Variants in PRH1 observed in about 807,000 individuals in gnomAD.
PRH1 encodes proline rich protein HaeIII subfamily 1, also known as salivary acidic proline-rich phosphoprotein 1/2.
In PRH1, 7 loss-of-function variants were observed where a neutral mutation model predicts 7.9. The observed-to-expected ratio is 0.89, with a 90% CI of 0.50 to 1.67. The LOEUF (loss-of-function observed/expected upper bound fraction) is 1.67. PRH1 is among the 40% of genes most tolerant of loss of function. The probability of loss-of-function intolerance (pLI) is 0.00; values close to 1 mark genes in which losing one functional copy is unlikely to be tolerated. For synonymous variants in PRH1, 45 were observed against 80.8 expected, an observed-to-expected ratio of 0.56 and a Z score of 2.38; for missense variants, 109 against 223.6, an observed-to-expected ratio of 0.49 and a Z score of 3.27.
At chr12:11,064,638 G>A (rs2599415) in intron 1 of PRH1, among the ~76,000 whole-genome samples, 113,440 of 152,014 alleles carry the variant, frequency 0.75, 44,779 homozygotes, top group East Asian at 0.96. Context: ...CCATTTGCAT[G>A]TATCTTATCA....
At chr12:11,072,829 G>T (rs76654905) in intron 1 of PRH1, among the ~76,000 whole-genome samples, 1 of 125,796 alleles carries the variant, frequency 7.9e-6, no homozygotes, top group Non-Finnish European at 1.8e-5. Flanking sequence ...AAAACAGTTG[G>T]CCTTTGTTTG....
intron 1 of PRH1, among the ~76,000 whole-genome samples, chr12:11,063,814 A>G (rs762455439): frequency 2.6e-5 from 4 of 152,076 alleles, no homozygotes; most frequent in African/African-American, 4.8e-5. Flanking sequence ...ACATCATCTC[A>G]AATTTCCTCA....
At chr12:11,020,363 G>GATATACATATATATATATATAT (rs1941545268) in intron 1 of PRH1, among the ~76,000 whole-genome samples, 1 of 87,584 alleles carries the variant, frequency 1.1e-5, no homozygotes, top group African/African-American at 3.9e-5. Flanking sequence ...TATGATAAGC[G>GATATACATATATATATATATAT]ATATATATAT....
At chr12:11,005,829 G>A (rs1195138198) in intron 1 of PRH1, 2 of 151,882 alleles carry the variant, frequency 1.3e-5, no homozygotes, top group Non-Finnish European at 2.9e-5. Flanking sequence ...CTCGAATCTA[G>A]CTAATATTTA....
chr12:11,127,497 C>T (rs1172882181), intron 1 of PRH1, among the ~76,000 whole-genome samples: 1 of 152,202 alleles, frequency 6.6e-6, no homozygotes, highest in Non-Finnish European at 1.5e-5. Context: ...AACTTTTCTA[C>T]CAAAAGTGTC....
chr12:10,987,423 T>C (rs1939705702), intron 1 of PRH1, among the ~76,000 whole-genome samples: 1 of 152,046 alleles, frequency 6.6e-6, no homozygotes, highest in Non-Finnish European at 1.5e-5. Flanking sequence ...ATCAAAATCA[T>C]CCAAGGTTTT....
At chr12:11,048,161 T>G (rs1025995306), upstream of PRH1, among the ~76,000 whole-genome samples, 1 of 139,092 alleles carries the variant, frequency 7.2e-6, no homozygotes, top group African/African-American at 2.6e-5. Context: ...TGTGTGTGTG[T>G]ATAGATAGAT....
intron 1 of PRH1, among the ~76,000 whole-genome samples, chr12:11,136,898 A>G (rs1223779225): frequency 1.3e-5 from 2 of 152,188 alleles, no homozygotes; most frequent in Non-Finnish European, 2.9e-5. Flanking sequence ...GCTACTCACA[A>G]GTTCTTTAAA....
At chr12:11,044,978 T>C (rs1045364186) in intron 1 of PRH1, among the ~76,000 whole-genome samples, 4 of 151,774 alleles carry the variant, frequency 2.6e-5, no homozygotes, top group Non-Finnish European at 4.4e-5. Flanking sequence ...AGAAAGGAAA[T>C]AAGTGTATCA....
Position 11,160,250 on chromosome 12 carries a change from T to C in PRH1, n.39+11172A>G, listed in dbSNP as rs1468108996. Among the ~76,000 whole-genome samples the C allele has an allele frequency of 2.6e-5, 4 of 152,324 alleles. No individual in the cohort carries two copies. In the South Asian group the frequency reaches 6.2e-4, roughly 24 times the overall value. ...ATTTTTGTTGATGCAATATGATTTA[T>C]AGAAATAAGTCCCTAAAATTATTCA... On this transcript the variant is annotated intron_variant and non_coding_transcript_variant, in intron 1 of 1. Coordinates refer to the PRH1 transcript ENST00000541175.
chr12:10,929,775 G>T (rs1326719957), intron 2 of PRH1, among the ~76,000 whole-genome samples: 1 of 152,162 alleles, frequency 6.6e-6, no homozygotes. Flanking sequence ...GTAAACACTT[G>T]CCTCTGTCTA....
chr12:10,917,353 T>C (rs572788310), intron 2 of PRH1, among the ~76,000 whole-genome samples: 1 of 152,286 alleles, frequency 6.6e-6, no homozygotes, highest in South Asian at 2.1e-4. Flanking sequence ...ATATTTAATA[T>C]TTATTGTTTC....
At position 10,906,680 on chromosome 12, in the gene PRH1, C is replaced by T. The variant is rs1949808705; in HGVS notation, c.-58-22405G>A. ...TTTTTATAAGGGGTTTCCCCTTTCG[C>T]TTGGCTGTCATTCTCTCTTCACTGC... On this transcript the variant is annotated intron_variant, in intron 2 of 3. Transcript: ENST00000539853. 3.3e-5 allele frequency among the ~76,000 whole-genome samples: 5 copies of T among 152,156 alleles called. No homozygotes were observed. The South Asian group carries it at 8.3e-4, about 25-fold the overall frequency.
intron 1 of PRH1, among the ~76,000 whole-genome samples, chr12:11,086,162 A>C (rs1944686561): frequency 8.8e-6 from 1 of 113,510 alleles, no homozygotes; most frequent in Non-Finnish European, 2.1e-5. Context: ...ATAATTTCTA[A>C]AATGAAAAAT....
chr12:11,063,551 A>T (rs955991834), intron 1 of PRH1, among the ~76,000 whole-genome samples: 9 of 152,028 alleles, frequency 5.9e-5, no homozygotes, highest in African/African-American at 2.2e-4. Context: ...ACCCAGCTTA[A>T]AAAAAATGAA....
At chr12:11,068,501 C>T (rs1591942103) in intron 1 of PRH1, among the ~76,000 whole-genome samples, 2 of 152,214 alleles carry the variant, frequency 1.3e-5, no homozygotes, top group East Asian at 3.9e-4. Flanking sequence ...ATAAGTATGC[C>T]ACAATTTGTT....
intron 1 of PRH1, among the ~76,000 whole-genome samples, chr12:11,028,536 C>T (rs1232915257): frequency 6.6e-6 from 1 of 152,154 alleles, no homozygotes; most frequent in African/African-American, 2.4e-5. Flanking sequence ...GGTAGCACTT[C>T]AATAACAGGT....
At chr12:11,032,131 A>G (rs1322859091) in intron 1 of PRH1, among the ~76,000 whole-genome samples, 84 of 152,008 alleles carry the variant, frequency 5.5e-4, no homozygotes, top group South Asian at 8.4e-4. Flanking sequence ...ATTGACGTGA[A>G]ACCTGAATCC....
chr12:10,911,585 C>T (rs1591671069), intron 2 of PRH1, among the ~76,000 whole-genome samples: 1 of 152,172 alleles, frequency 6.6e-6, no homozygotes, highest in East Asian at 1.9e-4. Context: ...ATGCAGTTTG[C>T]CAACGTTGTG....
Sources: allele counts gnomAD v4.1 joint callset (sites outside exome capture counted in the v4.1 genomes callset), GRCh38; gene constraint gnomAD v4.1.1; transcripts MANE v1.5; gene names NCBI Gene and HGNC (gene_info 2026-07-23, HGNC 2026-07-21).